Variants in WDR48 observed in about 807,000 individuals in gnomAD.
WDR48 encodes the protein WD repeat domain 48.
In WDR48, 22 loss-of-function variants were observed where a neutral mutation model predicts 94.0. The ratio of observed to expected loss-of-function variants is 0.23; its 90% confidence interval spans 0.17 to 0.33. The LOEUF is 0.33. WDR48 is among the 10% of genes least tolerant of loss of function. WDR48 has a pLI of 1.00. For synonymous variants in WDR48, 278 were observed against 280.5 expected (o/e 0.99, Z 0.09); for missense variants, 541 against 813.8 (o/e 0.66, Z 4.08).
intron 1 of WDR48, among the ~76,000 whole-genome samples, chr3:39,060,070 AAAT>A (rs2033155753): frequency 6.6e-6 from 1 of 152,186 alleles, no homozygotes; most frequent in African/African-American, 2.4e-5. Context: ...AGGTTTAAGA[AAAT>A]AATAACATTG....
intron 17 of WDR48, 91 bp from the exon 18 acceptor site, chr3:39,093,783 T>C (rs984110529): frequency 1.5e-6 from 2 of 1,295,114 alleles, no homozygotes; most frequent in African/African-American, 3.0e-5. Flanking sequence ...ATTTTTCATC[T>C]TTAAAATGTT....
At chr3:39,077,392 A>G (rs2034288140) in intron 9 of WDR48, among the ~76,000 whole-genome samples, 179 bp downstream of exon 9, 1 of 152,220 alleles carries the variant, frequency 6.6e-6, no homozygotes, top group African/African-American at 2.4e-5. Flanking sequence ...TAAAATTAAG[A>G]TAATAGTCAA....
At position 39,082,976 on chromosome 3, in the gene WDR48, T is replaced by A. The variant is rs143194336; in HGVS notation, c.1174-1179T>A. The stretch of plus-strand genomic sequence containing the variant: ...GAAAAGAGGAAGCCACAATAGTATA[T>A]GATTTTAAAAAGTTGCGGGGGAGTA... On this transcript the variant is annotated intron_variant, in intron 11 of 18. Transcript: ENST00000302313. Among the ~76,000 whole-genome samples, 5 of 152,318 alleles carry A rather than the reference T, an allele frequency of 3.3e-5. No individual in the cohort carries two copies. In the East Asian group the frequency reaches 9.6e-4, roughly 29 times the overall value.
At position 39,085,579 on chromosome 3, in the gene WDR48, A is replaced by C. The variant is rs2034770763; in HGVS notation, c.1443A>C (p.Pro481=). 1 of 1,611,846 alleles carries C rather than the reference A, an allele frequency of 6.2e-7. No individual in the cohort carries two copies. The highest frequency in any genetic ancestry group is 1.3e-5 in the African/African-American group (1 of 74,844). ...LEYWPRTHVN[P]MDEEENEVNH... ...ATTGGCCTAGAACACATGTGAATCC[A>C]ATGGATGAAGAGGAAAATGAAGTAA... The change falls in exon 14 of 19, where the codon CCA becomes CCC. Residue 481 remains proline, a synonymous_variant. Transcript: ENST00000302313.
intron 1 of WDR48, among the ~76,000 whole-genome samples, chr3:39,060,875 G>A (rs1203067374): frequency 6.6e-6 from 1 of 152,180 alleles, no homozygotes; most frequent in African/African-American, 2.4e-5. Context: ...GCTGAGGCAC[G>A]AGAATTGCTT....
At chr3:39,066,918 A>C (rs1424532762) in intron 5 of WDR48, 43 bp downstream of exon 5, 1 of 1,590,878 alleles carries the variant, frequency 6.3e-7, no homozygotes, top group Non-Finnish European at 8.6e-7. Flanking sequence ...GATCCAAGTT[A>C]ACATAAATAA....
rs1373164207 is a variant in WDR48, at chr3:39,089,252, G to T, written c.1602G>T (p.Gly534=). Reference sequence around the variant, plus strand: ...TTAGGCTGCTCTGCCGAGATTCCGGGGGTGAGACTGAGTCTATGCTTCTTA... The same window carrying T: ...TTAGGCTGCTCTGCCGAGATTCCGGTGGTGAGACTGAGTCTATGCTTCTTA... ...TLFRLLCRDS[G]GETESMLLNE... Residue 534 remains glycine (G), a synonymous_variant, in exon 16 of 19, where the codon GGG becomes GGT. Transcript: ENST00000302313. 3.7e-6 allele frequency: 6 copies of T among 1,613,336 alleles called. No homozygotes were observed. Among genetic ancestry groups the T allele is most frequent in the Non-Finnish European group, 4.2e-6 (5 of 1,179,644 alleles).
intron 11 of WDR48, among the ~76,000 whole-genome samples, chr3:39,081,225 G>C (rs1430374320): frequency 6.6e-6 from 1 of 152,214 alleles, no homozygotes; most frequent in Non-Finnish European, 1.5e-5. Flanking sequence ...TGGTATTTTG[G>C]TTAAGCTCCT....
At chr3:39,060,417 T>C (rs1371781407) in intron 1 of WDR48, among the ~76,000 whole-genome samples, 1 of 128,562 alleles carries the variant, frequency 7.8e-6, no homozygotes, top group Non-Finnish European at 1.6e-5. Flanking sequence ...TGTGTGTGTG[T>C]GCATATATAT....
At chr3:39,060,373 AG>A (rs1249598801) in intron 1 of WDR48, among the ~76,000 whole-genome samples, 2 of 151,910 alleles carry the variant, frequency 1.3e-5, no homozygotes, top group African/African-American at 2.4e-5. Flanking sequence ...CACATTTTCA[AG>A]GTTCATCCAC....
Position 39,063,085 on chromosome 3 carries a change from C to T in WDR48, c.84C>T (p.Tyr28=), listed in dbSNP as rs766398467. Residue 28 remains tyrosine (Y), a synonymous_variant, in exon 2 of 19, where the codon TAC becomes TAT. Coordinates refer to ENST00000302313, the MANE Select transcript of WDR48 (RefSeq NM_020839.4). ...TTATTCGAGATGAAGTGGAGAAGTACAACCGAAATGGAGTCAATGCTCTGC... is the reference window on the plus strand; with the variant it reads ...TTATTCGAGATGAAGTGGAGAAGTATAACCGAAATGGAGTCAATGCTCTGC... ...SYVIRDEVEK[Y]NRNGVNALQL... is the part of the protein sequence containing the mutation. 3.1e-6 allele frequency: 5 copies of T among 1,613,968 alleles called. No homozygotes were observed. In the African/African-American group the frequency reaches 5.3e-5, roughly 17 times the overall value.
intron 15 of WDR48, among the ~76,000 whole-genome samples, chr3:39,088,676 C>T (rs1251091889): frequency 6.6e-6 from 1 of 152,172 alleles, no homozygotes; most frequent in African/African-American, 2.4e-5. Flanking sequence ...CTGACACTGC[C>T]TGGGGTGCCA....
chr3:39,069,532 G>A (rs1373017276), intron 6 of WDR48, 111 bp from the exon 7 acceptor site: 1 of 912,978 alleles, frequency 1.1e-6, no homozygotes, highest in Non-Finnish European at 1.6e-6. Flanking sequence ...GGCAGAAGTG[G>A]TATTGCCTTC....
chr3:39,065,699 T>C, intron 2 of WDR48, 112 bp from the exon 3 acceptor site: 1 of 662,486 alleles, frequency 1.5e-6, no homozygotes, highest in Non-Finnish European at 2.4e-6. Flanking sequence ...AGGTGTTAGT[T>C]TTAATGCCTA....
intron 5 of WDR48, 105 bp from the exon 6 acceptor site, chr3:39,068,666 T>C: frequency 2.8e-6 from 2 of 714,686 alleles, no homozygotes; most frequent in Non-Finnish European, 4.8e-6. Flanking sequence ...GTAGAGGACT[T>C]ATAAAGATAA....
intron 3 of WDR48, 49 bp downstream of exon 3, chr3:39,065,938 T>C (rs958530800): frequency 2.1e-6 from 3 of 1,430,186 alleles, no homozygotes; most frequent in Non-Finnish European, 2.8e-6. Flanking sequence ...ATTTTTTGTT[T>C]TTTATATAAG....
At chr3:39,057,339 A>G (rs2032955376) in intron 1 of WDR48, among the ~76,000 whole-genome samples, 1 of 152,222 alleles carries the variant, frequency 6.6e-6, no homozygotes, top group Non-Finnish European at 1.5e-5. Context: ...AATGCAGTTA[A>G]CTATCCAGTA....
At chr3:39,092,896 C>T (rs2035155698) in intron 17 of WDR48, among the ~76,000 whole-genome samples, 1 of 151,960 alleles carries the variant, frequency 6.6e-6, no homozygotes, top group Non-Finnish European at 1.5e-5. Flanking sequence ...CACACACACA[C>T]ACACACACAC....
At chr3:39,056,024 A>C (rs752141110) in intron 1 of WDR48, among the ~76,000 whole-genome samples, 1 of 152,324 alleles carries the variant, frequency 6.6e-6, no homozygotes, top group Middle Eastern at 3.4e-3. Flanking sequence ...CTATTTTTCT[A>C]TAGCCAGACA....
Sources: gnomAD v4.1 joint callset for allele counts (sites outside exome capture counted in the v4.1 genomes callset) on GRCh38, gnomAD v4.1.1 for gene constraint, MANE v1.5 for transcripts, NCBI Gene and HGNC (gene_info 2026-07-23, HGNC 2026-07-21) for gene names.